The following PRKAG2 variants were observed in gnomAD, a reference collection of about 807,000 sequenced individuals.
The protein encoded by PRKAG2 is protein kinase AMP-activated non-catalytic subunit gamma 2.
PRKAG2 carries 26 observed loss-of-function variants against 69.6 expected under a neutral mutation model. The observed-to-expected ratio is 0.37, with a 90% CI of 0.27 to 0.52. The LOEUF (loss-of-function observed/expected upper bound fraction) is 0.52. PRKAG2 is among the 20% of genes least tolerant of loss of function. The pLI, the probability that PRKAG2 is intolerant of heterozygous loss-of-function variation, is 0.90. For missense variants in PRKAG2, 557 were observed against 740.0 expected (o/e 0.75, Z 2.87); for synonymous variants, 293 against 285.0 (o/e 1.03, Z -0.28).
intron 3 of PRKAG2, among the ~76,000 whole-genome samples, chr7:151,728,029 TCCGGGGG>T (rs1798283774): frequency 6.6e-6 from 1 of 152,114 alleles, no homozygotes; most frequent in Non-Finnish European, 1.5e-5. Flanking sequence ...GCTGCTCAGC[TCCGGGGG>T]CCCGTCCTCC....
intron 1 of PRKAG2, among the ~76,000 whole-genome samples, chr7:151,802,922 T>A (rs1168211569): frequency 3.5e-5 from 5 of 142,080 alleles, no homozygotes; most frequent in African/African-American, 1.3e-4. Context: ...ATCATAGACA[T>A]ATATATGATA....
intron 6 of PRKAG2, among the ~76,000 whole-genome samples, chr7:151,581,773 G>T (rs1487888993): frequency 6.6e-6 from 1 of 151,962 alleles, no homozygotes; most frequent in Non-Finnish European, 1.5e-5. Flanking sequence ...CAAAAGCAGG[G>T]GTTTAAGTTT....
chr7:151,799,476 C>T (rs1021153773), intron 1 of PRKAG2, among the ~76,000 whole-genome samples: 7 of 152,210 alleles, frequency 4.6e-5, no homozygotes, highest in Non-Finnish European at 8.8e-5. Context: ...TTGGGTTCTG[C>T]GGGCACCTTT....
At chr7:151,778,965 AACAC>A (rs150597786) in intron 3 of PRKAG2, among the ~76,000 whole-genome samples, 1 of 151,422 alleles carries the variant, frequency 6.6e-6, no homozygotes, top group African/African-American at 2.4e-5. Context: ...ACAAATCCAA[AACAC>A]ACACACACAC....
chr7:151,747,563 A>AAAC (rs1554579986), intron 3 of PRKAG2, among the ~76,000 whole-genome samples: 7 of 151,096 alleles, frequency 4.6e-5, no homozygotes, highest in Non-Finnish European at 1.0e-4. Context: ...TCTCAAAAAA[A>AAAC]AACCAACCAA....
At position 151,814,967 on chromosome 7, in the gene PRKAG2, G is replaced by A. The variant is rs1364274906; in HGVS notation, c.115-28426C>T. Reference sequence around the variant, plus strand: ...GAGGGAGGCAGGAGCAGAGGCCGATGATGCAGCAGTGGACAGCTCTGGGCT... The same window carrying A: ...GAGGGAGGCAGGAGCAGAGGCCGATAATGCAGCAGTGGACAGCTCTGGGCT... On this transcript the variant is annotated intron_variant, in intron 1 of 15. Coordinates refer to ENST00000287878, the MANE Select transcript of PRKAG2 (RefSeq NM_016203.4). The surrounding 1 kb of genome is among the most constrained non-coding windows in gnomAD (Gnocchi z 4.8). The A allele has an allele frequency of 2.2e-6, 2 of 895,676 alleles. No homozygotes were observed. The highest frequency in any genetic ancestry group is 1.5e-6 in the Non-Finnish European group (1 of 681,964). The allele number at this position is 895,676 out of a possible 1,614,324, so 55.5% of individuals were successfully genotyped here. A position where few individuals can be genotyped will look rare whatever the true frequency, so the allele number is the denominator to read the frequency against.
At chr7:151,645,299 A>T (rs1054861700) in intron 4 of PRKAG2, among the ~76,000 whole-genome samples, 2 of 152,228 alleles carry the variant, frequency 1.3e-5, no homozygotes, top group African/African-American at 4.8e-5. Flanking sequence ...GGAGAGGCCC[A>T]TGTCAATGAA....
chr7:151,637,109 T>C (rs940241047), intron 4 of PRKAG2, among the ~76,000 whole-genome samples: 8 of 152,230 alleles, frequency 5.3e-5, no homozygotes, highest in Non-Finnish European at 2.9e-5. Context: ...TCTCCTGTAC[T>C]GTTTAGTTTT....
intron 3 of PRKAG2, 123 bp from the exon 4 acceptor site, chr7:151,675,760 G>C (rs1050827498): frequency 4.0e-5 from 37 of 917,428 alleles, no homozygotes; most frequent in Non-Finnish European, 6.5e-5. Context: ...CCTCCAGGAA[G>C]GGACGTCGGG....
rs151188170 is a variant in PRKAG2, at chr7:151,719,528, C to A, written c.467-43891G>T. 0.012 allele frequency among the ~76,000 whole-genome samples: 1,886 copies of A among 152,252 alleles called. 41 individuals carry two copies. The highest frequency in any genetic ancestry group is 0.043 in the African/African-American group (1,797 of 41,568). Reference sequence around the variant, plus strand: ...GACTCTCGCTGTCCAATCTTCCCTGCCACCGTGGCCGCAGGGGTCAGAAAG... The same window carrying A: ...GACTCTCGCTGTCCAATCTTCCCTGACACCGTGGCCGCAGGGGTCAGAAAG... On this transcript the variant is annotated intron_variant, in intron 3 of 15. Transcript: ENST00000287878. The surrounding 1 kb of genome is among the most constrained non-coding windows in gnomAD (Gnocchi z 5.2).
rs73158118 is a variant in PRKAG2 at position 151,591,976 on chromosome 7, G to C, written c.864+3369C>G. On this transcript the variant is annotated intron_variant, in intron 6 of 15. Coordinates refer to ENST00000287878, the MANE Select transcript of PRKAG2 (RefSeq NM_016203.4). ...CCATGCAACCTGAGCTCCCCATCAC[G>C]AACAGGGAACTACTAGGCCCCCCAA... 1.1e-3 allele frequency among the ~76,000 whole-genome samples: 170 copies of C among 152,216 alleles called. 1 individual carries two copies. Among genetic ancestry groups the C allele is most frequent in the Non-Finnish European group, 1.1e-3 (72 of 68,010 alleles).
chr7:151,834,439 C>T (rs1332614454), intron 1 of PRKAG2, among the ~76,000 whole-genome samples: 2 of 152,228 alleles, frequency 1.3e-5, no homozygotes, highest in Non-Finnish European at 2.9e-5. Context: ...GGTTAGCTTC[C>T]TGGGAGCCTC....
chr7:151,599,427 C>T (rs765551121), intron 5 of PRKAG2, among the ~76,000 whole-genome samples: 1 of 152,198 alleles, frequency 6.6e-6, no homozygotes, highest in Non-Finnish European at 1.5e-5. Context: ...GCTGTCCACA[C>T]TGCATCCAGG....
At chr7:151,849,385 T>TA (rs1316337928) in intron 1 of PRKAG2, among the ~76,000 whole-genome samples, 1 of 152,216 alleles carries the variant, frequency 6.6e-6, no homozygotes, top group Non-Finnish European at 1.5e-5. Flanking sequence ...GGGAAGTTCT[T>TA]AGTCAAGAAT....
At chr7:151,560,647 A>G (rs1205690881) in intron 14 of PRKAG2, 30 bp from the exon 15 acceptor site, 2 of 1,613,416 alleles carry the variant, frequency 1.2e-6, no homozygotes, top group South Asian at 1.1e-5. Context: ...ACACGTGAAA[A>G]TTAACATTTA....
intron 1 of PRKAG2, among the ~76,000 whole-genome samples, chr7:151,873,029 G>A (rs2080257564): frequency 6.6e-6 from 1 of 152,206 alleles, no homozygotes. Flanking sequence ...GCATACCTAT[G>A]CTAAAACATG....
At chr7:151,582,159 T>G (rs186822098) in intron 6 of PRKAG2, among the ~76,000 whole-genome samples, 1 of 152,216 alleles carries the variant, frequency 6.6e-6, no homozygotes, top group Admixed American at 6.5e-5. Flanking sequence ...TGTATGTATG[T>G]ACGTATGAAT....
chr7:151,663,262 A>C (rs915295132), intron 4 of PRKAG2, among the ~76,000 whole-genome samples: 1 of 152,144 alleles, frequency 6.6e-6, no homozygotes, highest in African/African-American at 2.4e-5. Flanking sequence ...GTTACTCCAA[A>C]TCTCCTCAAT....
intron 4 of PRKAG2, among the ~76,000 whole-genome samples, chr7:151,654,008 T>C (rs111266221): frequency 6.6e-5 from 10 of 152,356 alleles, no homozygotes; most frequent in African/African-American, 2.4e-4. Context: ...TTTTACTTGT[T>C]TAAAAATTAT....
Sources: allele counts gnomAD v4.1 joint callset (sites outside exome capture counted in the v4.1 genomes callset), GRCh38; gene constraint gnomAD v4.1.1; non-coding constraint Gnocchi (gnomAD v3.1); transcripts MANE v1.5; gene names NCBI Gene and HGNC (gene_info 2026-07-23, HGNC 2026-07-21).